SIAH3: variants seen among roughly 807,000 people sequenced by gnomAD.
SIAH3 encodes seven in absentia homolog 3.
Under a neutral mutation model 12.6 loss-of-function variants are expected in SIAH3, and 9 were observed. The observed-to-expected ratio is 0.72, with a 90% CI of 0.43 to 1.25. SIAH3 has a LOEUF of 1.25. Ranked by LOEUF, SIAH3 falls within the 50% of genes most tolerant of loss-of-function variation. The pLI, the probability that SIAH3 is intolerant of heterozygous loss-of-function variation, is 0.00. For missense variants in SIAH3, 390 were observed against 365.4 expected (o/e 1.07, Z -0.55); for synonymous variants, 154 against 151.1 (o/e 1.02, Z -0.14).
intron 1 of SIAH3, among the ~76,000 whole-genome samples, chr13:45,814,826 G>T (rs150427259): frequency 6.6e-6 from 1 of 151,910 alleles, no homozygotes; most frequent in African/African-American, 2.4e-5. Context: ...GGGCTCAAGC[G>T]ATTCTCCAGC....
intron 1 of SIAH3, among the ~76,000 whole-genome samples, chr13:45,804,609 T>C (rs183716133): frequency 1.6e-4 from 24 of 152,218 alleles, no homozygotes; most frequent in African/African-American, 5.5e-4. Flanking sequence ...CAGCCAACAT[T>C]ATACTAAAGG....
At chr13:45,800,390 A>G (rs1950577427) in intron 1 of SIAH3, among the ~76,000 whole-genome samples, 1 of 152,264 alleles carries the variant, frequency 6.6e-6, no homozygotes, top group Non-Finnish European at 1.5e-5. Flanking sequence ...TGCTTCATGC[A>G]TCCAATTATT....
intron 1 of SIAH3, among the ~76,000 whole-genome samples, chr13:45,798,062 C>G (rs751620963): frequency 1.3e-5 from 2 of 152,156 alleles, no homozygotes; most frequent in Admixed American, 6.5e-5. Context: ...AATTCTTAAG[C>G]AGAAAATGGG....
chr13:45,831,210 A>ATAAC (rs1382852937), intron 1 of SIAH3, among the ~76,000 whole-genome samples: 2 of 150,966 alleles, frequency 1.3e-5, no homozygotes, highest in Middle Eastern at 3.4e-3. Flanking sequence ...AAATAAATAA[A>ATAAC]TAAATAAATA....
intron 1 of SIAH3, among the ~76,000 whole-genome samples, chr13:45,824,913 CA>C (rs1566094470): frequency 1.3e-5 from 2 of 151,498 alleles, no homozygotes; most frequent in Admixed American, 6.6e-5. Context: ...ACCAAAAAAC[CA>C]AAAAAAGAAG....
intron 1 of SIAH3, among the ~76,000 whole-genome samples, chr13:45,809,023 T>C (rs372769024): frequency 3.3e-5 from 5 of 152,320 alleles, no homozygotes; most frequent in East Asian, 3.9e-4. Context: ...ATGAGTGGGC[T>C]TCCAACCCTA....
At chr13:45,844,272 G>C (rs1950750875) in intron 1 of SIAH3, among the ~76,000 whole-genome samples, 1 of 152,230 alleles carries the variant, frequency 6.6e-6, no homozygotes. Context: ...GTTAGTGTGT[G>C]AGTATGAGTG....
chr13:45,797,997 C>T (rs1950569039), intron 1 of SIAH3, among the ~76,000 whole-genome samples: 1 of 152,152 alleles, frequency 6.6e-6, no homozygotes, highest in Non-Finnish European at 1.5e-5. Flanking sequence ...CCCTTGCAGA[C>T]AGCTTGGTAA....
intron 1 of SIAH3, among the ~76,000 whole-genome samples, chr13:45,806,454 A>C (rs1348296350): frequency 2.0e-5 from 3 of 152,224 alleles, no homozygotes; most frequent in Non-Finnish European, 4.4e-5. Context: ...TATTAAGCGA[A>C]GTAATGCAGG....
chr13:45,823,801 T>C (rs1243091312), intron 1 of SIAH3, among the ~76,000 whole-genome samples: 1 of 152,192 alleles, frequency 6.6e-6, no homozygotes, highest in Non-Finnish European at 1.5e-5. Flanking sequence ...GGCCTGACAG[T>C]ATAGGGAGTG....
intron 1 of SIAH3, among the ~76,000 whole-genome samples, chr13:45,820,878 T>C (rs12584985): frequency 0.22 from 33,321 of 152,106 alleles, 4,401 homozygotes; most frequent in East Asian, 0.37. Context: ...GCCTGCCCTC[T>C]GGCCCTCTGC....
rs780605698 is a variant in SIAH3, at chr13:45,781,052, C to T, written c.*2331G>A. The T allele has an allele frequency of 2.0e-5, 3 of 152,530 alleles. No individual in the cohort carries two copies. Among genetic ancestry groups the T allele is most frequent in the Admixed American group, 1.3e-4 (2 of 15,262 alleles). The allele number at this position is 152,530 out of a possible 1,614,324, so 9.4% of individuals were successfully genotyped here. On this transcript the variant is annotated 3_prime_UTR_variant, in exon 2 of 2. Coordinates refer to ENST00000400405, the MANE Select transcript of SIAH3 (RefSeq NM_198849.3). ...TAATAATACATTTCCCATGCTTTGTCCTAAAGCTTTCTAGGAACAAAAATA... is the reference window on the plus strand; with the variant it reads ...TAATAATACATTTCCCATGCTTTGTTCTAAAGCTTTCTAGGAACAAAAATA...
At chr13:45,810,553 T>C (rs1174889235) in intron 1 of SIAH3, among the ~76,000 whole-genome samples, 4 of 152,248 alleles carry the variant, frequency 2.6e-5, no homozygotes, top group South Asian at 2.1e-4. Context: ...CAGGGACCCA[T>C]GTAGACTGGA....
intron 1 of SIAH3, among the ~76,000 whole-genome samples, chr13:45,791,206 C>A (rs1044195943): frequency 6.6e-6 from 1 of 151,968 alleles, no homozygotes; most frequent in African/African-American, 2.4e-5. Context: ...AATTGGTAGC[C>A]TTTTCTCCTC....
intron 1 of SIAH3, among the ~76,000 whole-genome samples, chr13:45,807,227 T>C (rs1184122257): frequency 6.6e-6 from 1 of 151,794 alleles, no homozygotes; most frequent in South Asian, 2.1e-4. Context: ...GTTATAAATA[T>C]GTTGACATTC....
rs12867618 is a variant in SIAH3, at chr13:45,826,401, A to T, written c.135+25094T>A. ...AATGAATGGATGGATGGATGGATGG[A>T]TGGATGGATGGATGGATGGATGGAT... On this transcript the variant is annotated intron_variant, in intron 1 of 1. Transcript: ENST00000400405. 7.5e-3 allele frequency among the ~76,000 whole-genome samples: 444 copies of T among 58,990 alleles called. 213 individuals carry two copies. The highest frequency in any genetic ancestry group is 0.052 in the East Asian group (64 of 1,240). The allele number at this position is 58,990 out of a possible 152,430, so 38.7% of individuals were successfully genotyped here.
intron 1 of SIAH3, among the ~76,000 whole-genome samples, chr13:45,822,900 C>A (rs906709159): frequency 6.6e-6 from 1 of 151,242 alleles, no homozygotes; most frequent in African/African-American, 2.4e-5. Context: ...TTTTTATTTT[C>A]TTTCTTAATG....
intron 1 of SIAH3, 91 bp downstream of exon 1, chr13:45,851,404 G>A: frequency 6.4e-7 from 1 of 1,560,898 alleles, no homozygotes; most frequent in South Asian, 1.2e-5. Context: ...GGTTTGCAAA[G>A]GGCTGCACAC....
At chr13:45,787,484 G>C (rs1396109648) in intron 1 of SIAH3, among the ~76,000 whole-genome samples, 3 of 152,204 alleles carry the variant, frequency 2.0e-5, no homozygotes, top group Non-Finnish European at 2.9e-5. Context: ...AGAGCACCAA[G>C]TGGGGGAGGT....
Sources: allele counts gnomAD v4.1 joint callset (sites outside exome capture counted in the v4.1 genomes callset), GRCh38; gene constraint gnomAD v4.1.1; transcripts MANE v1.5; gene names NCBI Gene and HGNC (gene_info 2026-07-23, HGNC 2026-07-21).